The following MTFR1 variants were observed in gnomAD, a reference collection of about 807,000 sequenced individuals.
MTFR1 encodes the protein chondrocyte protein with a poly-proline region.
Under a neutral mutation model 38.8 loss-of-function variants are expected in MTFR1, and 28 were observed. The observed-to-expected ratio is 0.72, with a 90% CI of 0.53 to 0.99. MTFR1 has a LOEUF of 0.99. Ranked by LOEUF, MTFR1 falls within the 50% of genes least tolerant of loss-of-function variation. MTFR1 has a pLI of 0.00. For synonymous variants in MTFR1, 145 were observed against 137.0 expected (o/e 1.06, Z -0.41); for missense variants, 358 against 395.5 (o/e 0.91, Z 0.81).
intron 3 of MTFR1, among the ~76,000 whole-genome samples, chr8:65,691,515 T>C (rs1446994006): frequency 6.6e-6 from 1 of 152,154 alleles, no homozygotes; most frequent in East Asian, 1.9e-4. Flanking sequence ...CGTCTCAAGC[T>C]CCTGGGGCCT....
chr8:65,739,367 G>A (rs1343234470), intron 3 of MTFR1: 1 of 977,038 alleles, frequency 1.0e-6, no homozygotes. Context: ...CTAAATAACT[G>A]TGTGTTGTTT....
intron 3 of MTFR1, among the ~76,000 whole-genome samples, chr8:65,729,673 C>G (rs917356469): frequency 6.6e-6 from 1 of 151,634 alleles, no homozygotes; most frequent in Non-Finnish European, 1.5e-5. Context: ...AATCGATTCT[C>G]TTACTCAGGC....
chr8:65,688,488 G>T (rs898428000), intron 3 of MTFR1, among the ~76,000 whole-genome samples: 1 of 136,624 alleles, frequency 7.3e-6, no homozygotes, highest in Admixed American at 7.8e-5. Flanking sequence ...TTGCTCTGTC[G>T]CCCAGGCTGG....
chr8:65,740,965 G>T (rs1490658850), intron 3 of MTFR1, among the ~76,000 whole-genome samples: 1 of 152,144 alleles, frequency 6.6e-6, no homozygotes, highest in African/African-American at 2.4e-5. Context: ...TACACGCAAT[G>T]GGGACTGTTT....
intron 3 of MTFR1, among the ~76,000 whole-genome samples, chr8:65,759,862 T>A (rs1338686375): frequency 1.3e-5 from 2 of 151,480 alleles, no homozygotes; most frequent in African/African-American, 4.8e-5. Flanking sequence ...TACTCTAGAT[T>A]TTTTTTTTAA....
chr8:65,719,592 A>G (rs1462471589), intron 3 of MTFR1: 4 of 749,126 alleles, frequency 5.3e-6, no homozygotes, highest in Non-Finnish European at 9.1e-6. Context: ...ATCCTACTCC[A>G]GTATTACCCA....
At chr8:65,731,623 G>A (rs1359968308) in intron 3 of MTFR1, 1 of 152,102 alleles carries the variant, frequency 6.6e-6, no homozygotes, top group Non-Finnish European at 1.5e-5. Context: ...TAATCCACAT[G>A]AGTTCAGCCT....
At chr8:65,689,701 A>C (rs1805214291) in intron 3 of MTFR1, 1 of 721,848 alleles carries the variant, frequency 1.4e-6, no homozygotes, top group Non-Finnish European at 1.9e-6. Flanking sequence ...GGCTGACTTC[A>C]CCTTGACTTG....
intron 3 of MTFR1, among the ~76,000 whole-genome samples, chr8:65,746,581 T>C (rs1807686821): frequency 6.6e-6 from 1 of 152,168 alleles, no homozygotes; most frequent in South Asian, 2.1e-4. Flanking sequence ...ACCTGAACCT[T>C]TTGTGGACTT....
chr8:65,747,634 T>TA (rs529267967), intron 3 of MTFR1: 3 of 1,545,828 alleles, frequency 1.9e-6, no homozygotes, highest in Admixed American at 1.9e-5. Context: ...AATGTTTTCT[T>TA]AAAAAAACTA....
chr8:65,731,422 T>C (rs1210098306), intron 3 of MTFR1: 1 of 152,206 alleles, frequency 6.6e-6, no homozygotes, highest in Non-Finnish European at 1.5e-5. Flanking sequence ...TAAGCGTAAT[T>C]CTTATCCAGA....
chr8:65,665,471 A>C (rs1352639666), intron 1 of MTFR1, among the ~76,000 whole-genome samples: 3 of 152,230 alleles, frequency 2.0e-5, no homozygotes, highest in Non-Finnish European at 4.4e-5. Context: ...TATTCCTGCC[A>C]GTGCTTAGCA....
downstream of MTFR1, chr8:65,714,352 G>T (rs139183461): frequency 6.6e-6 from 1 of 151,818 alleles, no homozygotes; most frequent in Non-Finnish European, 1.5e-5. Flanking sequence ...TTCAACAAAC[G>T]TTTATTAATG....
chr8:65,672,571 C>T (rs528380319), intron 2 of MTFR1, among the ~76,000 whole-genome samples: 14 of 151,966 alleles, frequency 9.2e-5, no homozygotes, highest in African/African-American at 1.7e-4. Context: ...AGTACAGTGG[C>T]GCAGTCTTGG....
chr8:65,726,284 C>G (rs1314293532), intron 3 of MTFR1, among the ~76,000 whole-genome samples: 1 of 152,108 alleles, frequency 6.6e-6, no homozygotes, highest in Non-Finnish European at 1.5e-5. Flanking sequence ...TCGTGTTAGC[C>G]TTATTCACAT....
chr8:65,775,670 A>C (rs57463822), downstream of MTFR1, among the ~76,000 whole-genome samples: 64,603 of 152,176 alleles, frequency 0.42, 17,206 homozygotes, highest in African/African-American at 0.76. Context: ...CTCTGTAGCC[A>C]AGGCTTGAGT....
At chr8:65,707,280 C>A (rs1805812526) in intron 6 of MTFR1, 24 bp downstream of exon 6, 3 of 1,598,376 alleles carry the variant, frequency 1.9e-6, no homozygotes, top group Admixed American at 1.7e-5. Flanking sequence ...CACCTTCTTT[C>A]TTCCCCATTT....
In MTFR1 at chr8:65,708,264, G is replaced by C. The variant is rs757247542; in HGVS notation, c.933+253G>C. 7 of 680,968 alleles carry C rather than the reference G, an allele frequency of 1.0e-5. No individual in the cohort carries two copies. In the South Asian group the frequency reaches 1.3e-4, roughly 13 times the overall value. The allele number at this position is 680,968 out of a possible 1,614,324, so 42.2% of individuals were successfully genotyped here. A position where few individuals can be genotyped will look rare whatever the true frequency, so the allele number is the denominator to read the frequency against. ...ATTTGGAAATTTGAAACTTGTAGAAGAGCAGAAAGAAGAAAGCCAAAGTTA... is the reference window on the plus strand; with the variant it reads ...ATTTGGAAATTTGAAACTTGTAGAACAGCAGAAAGAAGAAAGCCAAAGTTA... On this transcript the variant is annotated intron_variant, in intron 7 of 7. Coordinates refer to ENST00000262146, the MANE Select transcript of MTFR1 (RefSeq NM_014637.4).
intron 4 of MTFR1, among the ~76,000 whole-genome samples, chr8:65,702,258 G>A (rs1805632378): frequency 6.9e-6 from 1 of 143,992 alleles, no homozygotes; most frequent in South Asian, 2.2e-4. Context: ...TGAAAAGACT[G>A]TTAGTTTTCT....
Sources: gnomAD v4.1 joint callset for allele counts (sites outside exome capture counted in the v4.1 genomes callset) on GRCh38, gnomAD v4.1.1 for gene constraint, MANE v1.5 for transcripts, NCBI Gene and HGNC (gene_info 2026-07-23, HGNC 2026-07-21) for gene names.